KHDRBS2: variants seen among roughly 807,000 people sequenced by gnomAD.
KHDRBS2 encodes KH RNA binding domain containing, signal transduction associated 2.
Under a neutral mutation model 44.3 loss-of-function variants are expected in KHDRBS2, and 26 were observed. The ratio of observed to expected loss-of-function variants is 0.59; its 90% CI spans 0.43 to 0.81. The LOEUF (loss-of-function observed/expected upper bound fraction) is 0.81, where lower values mean the gene tolerates loss of function less well. Among genes scored for constraint, KHDRBS2 ranks in the 40% least tolerant of loss-of-function variants. The pLI, the probability that KHDRBS2 is intolerant of heterozygous loss-of-function variation, is 0.00. For synonymous variants in KHDRBS2, 194 were observed against 151.1 expected (o/e 1.28, Z -2.08); for missense variants, 476 against 433.1 (o/e 1.10, Z -0.88).
rs145277345 is a variant in KHDRBS2, at chr6:61,988,513, A to C, written c.337-10301T>G. Among the ~76,000 whole-genome samples the C allele has an allele frequency of 1.8e-4, 27 of 152,274 alleles. 1 individual carries two copies. The East Asian group carries it at 4.5e-3, about 25-fold the overall frequency. On this transcript the variant is annotated intron_variant, in intron 3 of 8. Transcript: ENST00000281156. ...GTAGAAGAAACTGGTCTAGGACTAC[A>C]GAGGTGCTTGGAAAACAGTGTTGGA...
intron 6 of KHDRBS2, among the ~76,000 whole-genome samples, chr6:61,733,350 C>T (rs1386644210): frequency 2.6e-5 from 4 of 152,126 alleles, no homozygotes; most frequent in Non-Finnish European, 5.9e-5. Context: ...CAGCACTTTG[C>T]GTGGCCAAGG....
intron 2 of KHDRBS2, among the ~76,000 whole-genome samples, chr6:62,152,223 G>A (rs1348678282): frequency 6.6e-6 from 1 of 152,166 alleles, no homozygotes; most frequent in Non-Finnish European, 1.5e-5. Context: ...GGAGGCTGAG[G>A]TAGGAGAATG....
the KHDRBS2 span, among the ~76,000 whole-genome samples, chr6:61,628,980 G>C: frequency 1.3e-5 from 2 of 152,202 alleles, no homozygotes; most frequent in East Asian, 3.9e-4. Flanking sequence ...AGTCTGATCT[G>C]TAAAAACAAT....
At chr6:61,854,619 G>A (rs1245528021) in intron 6 of KHDRBS2, among the ~76,000 whole-genome samples, 1 of 152,062 alleles carries the variant, frequency 6.6e-6, no homozygotes, top group East Asian at 1.9e-4. Flanking sequence ...CCTACAACTT[G>A]TTTTAATCAA....
intron 2 of KHDRBS2, among the ~76,000 whole-genome samples, chr6:62,118,378 G>A (rs952487465): frequency 5.9e-5 from 9 of 151,976 alleles, no homozygotes; most frequent in African/African-American, 2.2e-4. Flanking sequence ...GGCTATTTGG[G>A]GTCTTTGTGT....
At chr6:62,103,895 A>C (rs938820007) in intron 2 of KHDRBS2, among the ~76,000 whole-genome samples, 12 of 152,206 alleles carry the variant, frequency 7.9e-5, no homozygotes, top group Non-Finnish European at 1.8e-4. Flanking sequence ...ATGTGAAATA[A>C]AGTCATTTTA....
chr6:61,580,270 T>G, the KHDRBS2 span, among the ~76,000 whole-genome samples: 1 of 152,240 alleles, frequency 6.6e-6, no homozygotes, highest in Admixed American at 6.5e-5. Context: ...CTTGGAGAAC[T>G]TTTGTGTCTA....
intron 3 of KHDRBS2, among the ~76,000 whole-genome samples, chr6:62,041,711 G>A (rs918713039): frequency 4.6e-5 from 7 of 152,012 alleles, no homozygotes; most frequent in African/African-American, 1.7e-4. Flanking sequence ...CAAGGAGCAG[G>A]TCTTAATTAC....
At chr6:61,730,676 TG>T (rs749221149) in intron 7 of KHDRBS2, among the ~76,000 whole-genome samples, 2 of 152,012 alleles carry the variant, frequency 1.3e-5, no homozygotes, top group Non-Finnish European at 2.9e-5. Flanking sequence ...GCTGGAAGGA[TG>T]GGAAGAATTT....
chr6:62,099,035 C>T (rs1328981737), intron 2 of KHDRBS2, among the ~76,000 whole-genome samples: 1 of 152,050 alleles, frequency 6.6e-6, no homozygotes, highest in Non-Finnish European at 1.5e-5. Context: ...ACAAATTATT[C>T]AATTGTTTCT....
chr6:62,145,546 G>A (rs1264460316), intron 2 of KHDRBS2, among the ~76,000 whole-genome samples: 1 of 151,774 alleles, frequency 6.6e-6, no homozygotes, highest in Non-Finnish European at 1.5e-5. Context: ...CCAATGTGAT[G>A]TTAAAGTAAT....
At chr6:62,276,594 TC>T (rs796094011) in intron 1 of KHDRBS2, among the ~76,000 whole-genome samples, 19 of 152,340 alleles carry the variant, frequency 1.2e-4, no homozygotes, top group African/African-American at 4.6e-4. Context: ...TAGTAGGCTG[TC>T]TTGATGATCC....
At chr6:62,101,269 T>C (rs1024039041) in intron 2 of KHDRBS2, among the ~76,000 whole-genome samples, 1 of 152,108 alleles carries the variant, frequency 6.6e-6, no homozygotes, top group African/African-American at 2.4e-5. Flanking sequence ...CAGGTTATAT[T>C]ACAAGATATC....
At chr6:61,562,107 A>AT in the KHDRBS2 span, among the ~76,000 whole-genome samples, 3 of 152,208 alleles carry the variant, frequency 2.0e-5, no homozygotes, top group Non-Finnish European at 4.4e-5. Context: ...ATTTGACATC[A>AT]TATATTCAGT....
chr6:61,598,115 GCTGA>G, the KHDRBS2 span, among the ~76,000 whole-genome samples: 1 of 150,896 alleles, frequency 6.6e-6, no homozygotes, highest in Non-Finnish European at 1.5e-5. Flanking sequence ...ACAAGACCCT[GCTGA>G]CTGTGAGGAG....
At chr6:61,696,092 C>T (rs1364628008) in intron 8 of KHDRBS2, among the ~76,000 whole-genome samples, 3 of 152,014 alleles carry the variant, frequency 2.0e-5, no homozygotes, top group Admixed American at 6.6e-5. Context: ...GGCAATCCTC[C>T]TGTCTCAGCC....
intron 6 of KHDRBS2, among the ~76,000 whole-genome samples, chr6:61,866,187 G>T (rs1442895287): frequency 6.6e-6 from 1 of 152,234 alleles, no homozygotes; most frequent in East Asian, 1.9e-4. Flanking sequence ...TGCCTTAGCA[G>T]AGGTTCTCAT....
At chr6:62,155,319 A>G (rs1816114037) in intron 2 of KHDRBS2, among the ~76,000 whole-genome samples, 1 of 152,324 alleles carries the variant, frequency 6.6e-6, no homozygotes, top group South Asian at 2.1e-4. Context: ...AATAAAATCA[A>G]TTGGGTTTGA....
intron 1 of KHDRBS2, among the ~76,000 whole-genome samples, chr6:62,187,260 T>C (rs1038150698): frequency 6.6e-6 from 1 of 152,142 alleles, no homozygotes; most frequent in Non-Finnish European, 1.5e-5. Context: ...TTTTTCCAAT[T>C]GTACAGCAAG....
Sources: gnomAD v4.1 joint callset for allele counts (sites outside exome capture counted in the v4.1 genomes callset) on GRCh38, gnomAD v4.1.1 for gene constraint, MANE v1.5 for transcripts, NCBI Gene and HGNC (gene_info 2026-07-23, HGNC 2026-07-21) for gene names.